The following LDB2 variants were observed in gnomAD, a reference collection of about 807,000 sequenced individuals.
LDB2 encodes LIM domain binding 2.
LDB2 carries 12 observed loss-of-function variants against 44.3 expected under a neutral mutation model. That is an observed-to-expected ratio of 0.27 (90% confidence interval 0.17 to 0.44). The LOEUF is 0.44. Among genes scored for constraint, LDB2 ranks in the 20% least tolerant of loss-of-function variants. The probability of loss-of-function intolerance (pLI) is 1.00; values close to 1 mark genes in which losing one functional copy is unlikely to be tolerated. For missense variants in LDB2, 344 were observed against 473.5 expected, an observed-to-expected ratio of 0.73 and a Z score of 2.54; for synonymous variants, 164 against 174.8, an observed-to-expected ratio of 0.94 and a Z score of 0.49.
chr4:16,570,093 T>C lies in LDB2; in HGVS notation c.615+15829A>G, dbSNP rs180747878. On this transcript the variant is annotated intron_variant, in intron 5 of 7. Coordinates refer to ENST00000304523, the MANE Select transcript of LDB2 (RefSeq NM_001290.5). ...CTCAAGTTGAGTAGAATTAAAATGA[T>C]TGACCCTCTCTATTCACTGCATATC... Among the ~76,000 whole-genome samples, 532 of 152,282 alleles carry C rather than the reference T, an allele frequency of 3.5e-3. 1 individual carries two copies. Among genetic ancestry groups the C allele is most frequent in the Non-Finnish European group, 5.9e-3 (400 of 68,030 alleles).
chr4:16,815,736 T>C (rs1780772433), intron 1 of LDB2, among the ~76,000 whole-genome samples: 1 of 152,240 alleles, frequency 6.6e-6, no homozygotes, highest in Non-Finnish European at 1.5e-5. Context: ...CCTAGGTTTC[T>C]GCTCGTAAGA....
intron 2 of LDB2, among the ~76,000 whole-genome samples, chr4:16,652,304 C>T (rs541148819): frequency 6.6e-5 from 10 of 152,190 alleles, no homozygotes; most frequent in South Asian, 4.1e-4. Context: ...AGGATACATA[C>T]GCAAAGCACA....
intron 2 of LDB2, among the ~76,000 whole-genome samples, chr4:16,736,385 A>G (rs1402944947): frequency 6.6e-6 from 1 of 152,186 alleles, no homozygotes; most frequent in Non-Finnish European, 1.5e-5. Flanking sequence ...CAATCTTTAC[A>G]TTGTCTATTT....
chr4:16,695,931 C>T (rs1752030594), intron 2 of LDB2, among the ~76,000 whole-genome samples: 1 of 152,154 alleles, frequency 6.6e-6, no homozygotes, highest in Admixed American at 6.5e-5. Flanking sequence ...TTTCCCACTT[C>T]CAGGATTAAA....
intron 1 of LDB2, among the ~76,000 whole-genome samples, chr4:16,827,972 T>G (rs1360231474): frequency 6.6e-6 from 1 of 152,166 alleles, no homozygotes; most frequent in Non-Finnish European, 1.5e-5. Flanking sequence ...TTGCCACTTT[T>G]GTACTTCCTG....
At chr4:16,763,438 G>A (rs376306401) in intron 1 of LDB2, among the ~76,000 whole-genome samples, 12 of 9,904 alleles carry the variant, frequency 1.2e-3, no homozygotes, top group East Asian at 0.011. Flanking sequence ...ATGTAAACAC[G>A]TACACACACA....
chr4:16,564,718 A>T (rs1213835009), intron 5 of LDB2, among the ~76,000 whole-genome samples: 1 of 152,068 alleles, frequency 6.6e-6, no homozygotes, highest in African/African-American at 2.4e-5. Context: ...ATCTTCAAAT[A>T]AAAAAAATTA....
intron 5 of LDB2, among the ~76,000 whole-genome samples, chr4:16,560,926 T>A (rs911740915): frequency 6.6e-6 from 1 of 152,176 alleles, no homozygotes; most frequent in Non-Finnish European, 1.5e-5. Context: ...CACAAATCAA[T>A]AAATGTAATC....
intron 2 of LDB2, among the ~76,000 whole-genome samples, chr4:16,697,266 T>TAGACACACACACACAC (rs1301025342): frequency 7.7e-6 from 1 of 130,682 alleles, no homozygotes; most frequent in African/African-American, 2.9e-5. Context: ...CTACTAAAAA[T>TAGACACACACACACAC]ACACACACAC....
intron 2 of LDB2, among the ~76,000 whole-genome samples, chr4:16,722,404 G>C (rs1415830869): frequency 6.6e-6 from 1 of 151,974 alleles, no homozygotes; most frequent in Non-Finnish European, 1.5e-5. Context: ...GAGATGAACT[G>C]GGTGCCCTCT....
At chr4:16,557,201 T>G (rs1739980190) in intron 5 of LDB2, among the ~76,000 whole-genome samples, 1 of 152,118 alleles carries the variant, frequency 6.6e-6, no homozygotes, top group African/African-American at 2.4e-5. Flanking sequence ...TTCATCTCAC[T>G]AGGGAGTGCT....
intron 5 of LDB2, among the ~76,000 whole-genome samples, chr4:16,536,349 G>A (rs1408758219): frequency 6.6e-6 from 1 of 152,148 alleles, no homozygotes; most frequent in Non-Finnish European, 1.5e-5. Flanking sequence ...ATGTCTGAGG[G>A]CTGTGGCTTT....
At chr4:16,537,835 C>T (rs914171480) in intron 5 of LDB2, among the ~76,000 whole-genome samples, 2 of 152,188 alleles carry the variant, frequency 1.3e-5, no homozygotes, top group African/African-American at 4.8e-5. Context: ...GTTTCTCAAG[C>T]TCCGGTTCCG....
chr4:16,515,629 T>C (rs2152253141), intron 5 of LDB2, among the ~76,000 whole-genome samples: 1 of 152,300 alleles, frequency 6.6e-6, no homozygotes, highest in Admixed American at 6.5e-5. Flanking sequence ...TAAGAAAAGC[T>C]TCAGAGAAAT....
chr4:16,751,953 G>C (rs1473423354), intron 2 of LDB2, among the ~76,000 whole-genome samples: 3 of 152,174 alleles, frequency 2.0e-5, no homozygotes, highest in Non-Finnish European at 4.4e-5. Flanking sequence ...GGATGACAGA[G>C]TGAGACCTCA....
chr4:16,884,856 T>C (rs1721177698), intron 1 of LDB2, among the ~76,000 whole-genome samples: 1 of 152,206 alleles, frequency 6.6e-6, no homozygotes, highest in Non-Finnish European at 1.5e-5. Flanking sequence ...TAGATTCTGT[T>C]ATTCCCTACA....
chr4:16,641,683 G>A (rs1266121134), intron 2 of LDB2, among the ~76,000 whole-genome samples: 1 of 152,042 alleles, frequency 6.6e-6, no homozygotes, highest in Non-Finnish European at 1.5e-5. Context: ...TGAGGGACCC[G>A]CCCCCAAGAC....
intron 1 of LDB2, among the ~76,000 whole-genome samples, chr4:16,895,626 G>A (rs1457225173): frequency 6.6e-6 from 1 of 152,100 alleles, no homozygotes; most frequent in Non-Finnish European, 1.5e-5. Context: ...AGAAGAGAGA[G>A]AGGAAGAGAG....
intron 1 of LDB2, among the ~76,000 whole-genome samples, chr4:16,773,028 T>C (rs1012500772): frequency 3.3e-5 from 5 of 151,954 alleles, no homozygotes; most frequent in Non-Finnish European, 7.4e-5. Flanking sequence ...TGATGAGGAG[T>C]GTGGAGACAA....
Sources: allele counts gnomAD v4.1 joint callset (sites outside exome capture counted in the v4.1 genomes callset), GRCh38; gene constraint gnomAD v4.1.1; transcripts MANE v1.5; gene names NCBI Gene and HGNC (gene_info 2026-07-23, HGNC 2026-07-21).